NRG3: variants seen among roughly 807,000 people sequenced by gnomAD.
NRG3 encodes neuregulin 3.
NRG3 carries 31 observed loss-of-function variants against 66.9 expected under a neutral mutation model. That is an observed-to-expected ratio of 0.46 (90% CI 0.35 to 0.63). The LOEUF is 0.63. Among genes scored for constraint, NRG3 ranks in the 20% least tolerant of loss-of-function variants. The pLI is 0.00. For synonymous variants in NRG3, 393 were observed against 359.4 expected (o/e 1.09, Z -1.06); for missense variants, 910 against 878.9 (o/e 1.04, Z -0.45).
chr10:81,999,654 G>T (rs2133659931), intron 1 of NRG3, among the ~76,000 whole-genome samples: 1 of 152,190 alleles, frequency 6.6e-6, no homozygotes, highest in Middle Eastern at 3.4e-3. Flanking sequence ...ATTCATATGT[G>T]CTCATAAGAA....
In NRG3 at chr10:81,875,910, T is replaced by A. The variant is rs1201886575; in HGVS notation, c.570T>A (p.Pro190=). 2 of 1,612,822 alleles carry A rather than the reference T, an allele frequency of 1.2e-6. No individual in the cohort carries two copies. Among genetic ancestry groups the A allele is most frequent in the Non-Finnish European group, 1.7e-6 (2 of 1,179,992 alleles). ...CCACAGCACGGAACACTGCGGCCCC[T>A]GCGACGGTCCCGTCCACCACGGCCC... ...RSTTARNTAA[P]ATVPSTTAPF... is the part of the protein sequence containing the mutation. The change falls in exon 1 of 9, where the codon CCT becomes CCA. Residue 190 remains proline (P), a synonymous_variant. Transcript: ENST00000372141. This position sits in a 1 kb window ranked among gnomAD's most constrained non-coding sequence, Gnocchi z 5.3.
chr10:82,125,551 T>A (rs1446025017), intron 1 of NRG3, among the ~76,000 whole-genome samples: 1 of 152,026 alleles, frequency 6.6e-6, no homozygotes, highest in Non-Finnish European at 1.5e-5. Context: ...ATTCTGAAGA[T>A]CTTAGGCAAG....
intron 1 of NRG3, among the ~76,000 whole-genome samples, chr10:82,237,431 G>T (rs1022596401): frequency 6.6e-6 from 1 of 152,008 alleles, no homozygotes; most frequent in African/African-American, 2.4e-5. Context: ...ACAACAATTT[G>T]TAATTTTATA....
At chr10:82,903,498 A>C (rs1188691458) in intron 4 of NRG3, among the ~76,000 whole-genome samples, 1 of 152,126 alleles carries the variant, frequency 6.6e-6, no homozygotes, top group African/African-American at 2.4e-5. Context: ...TTATAAGAAA[A>C]AGTTAAATTG....
chr10:82,426,384 G>A (rs113402051), intron 2 of NRG3, among the ~76,000 whole-genome samples: 292 of 151,886 alleles, frequency 1.9e-3, no homozygotes, highest in African/African-American at 6.2e-3. Context: ...AGTGGCTTCC[G>A]TTGTTCCTTG....
At chr10:82,339,156 A>G (rs529442997) in intron 1 of NRG3, among the ~76,000 whole-genome samples, 1 of 152,346 alleles carries the variant, frequency 6.6e-6, no homozygotes, top group East Asian at 1.9e-4. Context: ...AAAATGATAA[A>G]TGACTTAATG....
At chr10:82,565,786 C>A (rs2045364100) in intron 2 of NRG3, among the ~76,000 whole-genome samples, 1 of 152,012 alleles carries the variant, frequency 6.6e-6, no homozygotes, top group Admixed American at 6.6e-5. Flanking sequence ...TACTTAGATT[C>A]ATTCCAGCGT....
At chr10:82,296,196 G>T (rs1406924441) in intron 1 of NRG3, among the ~76,000 whole-genome samples, 1 of 152,178 alleles carries the variant, frequency 6.6e-6, no homozygotes, top group Non-Finnish European at 1.5e-5. Context: ...TAAAGTCAGT[G>T]TGGCCGCAGC....
In NRG3 at chr10:82,697,529, G is replaced by A. The variant is rs187668201; in HGVS notation, c.954-41048G>A. Reference sequence around the variant, plus strand: ...ATTCATTTTCTATGACCAGAGCTCAGAGATACAAACAAACACTACGTCCAA... The same window carrying A: ...ATTCATTTTCTATGACCAGAGCTCAAAGATACAAACAAACACTACGTCCAA... On this transcript the variant is annotated intron_variant, in intron 2 of 8. Transcript: ENST00000372141. Among the ~76,000 whole-genome samples the A allele has an allele frequency of 8.7e-4, 132 of 152,256 alleles. 2 individuals carry two copies. The highest frequency in any genetic ancestry group is 2.9e-3 in the African/African-American group (121 of 41,554).
chr10:82,227,276 C>G (rs905939230), intron 1 of NRG3, among the ~76,000 whole-genome samples: 2 of 152,136 alleles, frequency 1.3e-5, no homozygotes, highest in Admixed American at 1.3e-4. Flanking sequence ...AAATTTGGAA[C>G]CATTCATTCT....
rs143223083 is a variant in NRG3 at position 82,550,924 on chromosome 10, G to A, written c.954-187653G>A. Among the ~76,000 whole-genome samples the A allele has an allele frequency of 3.6e-3, 548 of 152,102 alleles. 2 individuals are homozygous for A. The highest frequency in any genetic ancestry group is 0.013 in the African/African-American group (528 of 41,494). ...CCATACCTGGGACTTATTAGCATTC[G>A]GGTACTTGGTTTCAATCCTAATCTG... On this transcript the variant is annotated intron_variant, in intron 2 of 8. Transcript: ENST00000372141.
chr10:82,432,128 AATTT>A (rs2089852861), intron 2 of NRG3, among the ~76,000 whole-genome samples: 1 of 152,202 alleles, frequency 6.6e-6, no homozygotes, highest in Non-Finnish European at 1.5e-5. Flanking sequence ...TGTTTGTGCC[AATTT>A]ATTTAATAAA....
At chr10:82,206,531 T>C (rs1407566182) in intron 1 of NRG3, among the ~76,000 whole-genome samples, 5 of 152,196 alleles carry the variant, frequency 3.3e-5, no homozygotes, top group African/African-American at 1.2e-4. Context: ...TCTCTTGAGA[T>C]AGATTTCTCT....
chr10:82,696,228 C>T (rs7916946), intron 2 of NRG3, among the ~76,000 whole-genome samples: 4,987 of 152,190 alleles, frequency 0.033, 267 homozygotes, highest in African/African-American at 0.11. Context: ...TGGTTTACTT[C>T]GCATAATTTA....
chr10:82,766,996 A>ATATATATATATGATATATATAAATCCT (rs2059538830), intron 3 of NRG3, among the ~76,000 whole-genome samples: 1 of 148,990 alleles, frequency 6.7e-6, no homozygotes, highest in Non-Finnish European at 1.5e-5. Flanking sequence ...TATTGTGGAT[A>ATATATATATATGATATATATAAATCCT]TATATATATA....
intron 1 of NRG3, among the ~76,000 whole-genome samples, chr10:82,144,828 A>G (rs953682497): frequency 6.6e-6 from 1 of 152,200 alleles, no homozygotes; most frequent in East Asian, 1.9e-4. Flanking sequence ...TGAAGCATCT[A>G]ATGGTTTGTT....
chr10:82,042,406 T>G (rs1417257863), intron 1 of NRG3, among the ~76,000 whole-genome samples: 1 of 152,056 alleles, frequency 6.6e-6, no homozygotes, highest in Non-Finnish European at 1.5e-5. Context: ...TAATGGAAAT[T>G]GTCAAAAATG....
At chr10:82,364,786 A>G (rs894694618) in intron 2 of NRG3, among the ~76,000 whole-genome samples, 5 of 152,222 alleles carry the variant, frequency 3.3e-5, no homozygotes, top group African/African-American at 1.2e-4. Flanking sequence ...TCGCTTGAAG[A>G]TACTTGAAGC....
At chr10:82,168,497 A>G (rs2072287733) in intron 1 of NRG3, among the ~76,000 whole-genome samples, 1 of 152,186 alleles carries the variant, frequency 6.6e-6, no homozygotes, top group Admixed American at 6.6e-5. Flanking sequence ...GAAAGTATCA[A>G]TACATAATCT....
Sources: allele counts gnomAD v4.1 joint callset (sites outside exome capture counted in the v4.1 genomes callset), GRCh38; gene constraint gnomAD v4.1.1; non-coding constraint Gnocchi (gnomAD v3.1); transcripts MANE v1.5; gene names NCBI Gene and HGNC (gene_info 2026-07-23, HGNC 2026-07-21).